The following DLGAP2 variants were observed in gnomAD, a reference collection of about 807,000 sequenced individuals.
The protein encoded by DLGAP2 is disks large-associated protein 2.
In DLGAP2, 26 loss-of-function variants were observed where a neutral mutation model predicts 100.3. The observed-to-expected ratio is 0.26, with a 90% CI of 0.19 to 0.36. The LOEUF is 0.36. Among genes scored for constraint, DLGAP2 ranks in the 10% least tolerant of loss-of-function variants. The pLI is 1.00. For missense variants in DLGAP2, 1,858 were observed against 1,453.2 expected (o/e 1.28, Z -4.53); for synonymous variants, 886 against 630.1 (o/e 1.41, Z -6.08).
intron 2 of DLGAP2, among the ~76,000 whole-genome samples, chr8:950,622 C>CTTT (rs34631994): frequency 3.1e-5 from 4 of 130,508 alleles, no homozygotes; most frequent in Admixed American, 7.8e-5. Flanking sequence ...TTTTCTTTTT[C>CTTT]TTTTTTTTTT....
intron 6 of DLGAP2, among the ~76,000 whole-genome samples, chr8:1,582,794 C>T (rs893225328): frequency 2.0e-5 from 3 of 152,162 alleles, no homozygotes; most frequent in Non-Finnish European, 4.4e-5. Context: ...ACAAGAGTTT[C>T]ACCATGTTGG....
chr8:957,500 T>C (rs1166218957), intron 2 of DLGAP2, among the ~76,000 whole-genome samples: 7 of 152,246 alleles, frequency 4.6e-5, no homozygotes, highest in Non-Finnish European at 1.0e-4. Flanking sequence ...GATGCTGATA[T>C]TAGGCCACTG....
chr8:1,584,594 A>G (rs1454067113), intron 6 of DLGAP2, among the ~76,000 whole-genome samples: 2 of 152,046 alleles, frequency 1.3e-5, no homozygotes, highest in African/African-American at 4.8e-5. Context: ...GAGCATTTGC[A>G]CTCTGATCGG....
chr8:947,449 T>A (rs563888433), intron 2 of DLGAP2, among the ~76,000 whole-genome samples: 1 of 152,330 alleles, frequency 6.6e-6, no homozygotes, highest in African/African-American at 2.4e-5. Context: ...TCCGCGCGGC[T>A]CAGCCCTGCC....
chr8:1,336,945 A>G (rs563692919), intron 3 of DLGAP2, among the ~76,000 whole-genome samples: 3 of 152,256 alleles, frequency 2.0e-5, no homozygotes, highest in African/African-American at 7.2e-5. Context: ...TTTTCTAAGT[A>G]CAAGTTATCC....
intron 2 of DLGAP2, among the ~76,000 whole-genome samples, chr8:1,077,253 C>G (rs924499453): frequency 1.3e-5 from 2 of 152,212 alleles, no homozygotes; most frequent in African/African-American, 2.4e-5. Context: ...TACCTCGTCA[C>G]CTCTGTAGCA....
intron 3 of DLGAP2, among the ~76,000 whole-genome samples, chr8:1,441,980 A>T (rs1421884529): frequency 6.6e-6 from 1 of 152,110 alleles, no homozygotes; most frequent in African/African-American, 2.4e-5. Flanking sequence ...GGAGCTGGAA[A>T]CCATGATCCT....
chr8:1,513,681 A>G (rs1427897158), intron 4 of DLGAP2, among the ~76,000 whole-genome samples: 2 of 152,232 alleles, frequency 1.3e-5, no homozygotes, highest in African/African-American at 4.8e-5. Flanking sequence ...TTTTCTCAGT[A>G]AAAGCTTCCT....
At chr8:1,168,311 T>G (rs1181356217) in intron 2 of DLGAP2, among the ~76,000 whole-genome samples, 1 of 151,742 alleles carries the variant, frequency 6.6e-6, no homozygotes, top group African/African-American at 2.4e-5. Flanking sequence ...TTCCAAGTCT[T>G]TGCTATTGTG....
chr8:1,691,245 G>A (rs1230701792), intron 12 of DLGAP2, among the ~76,000 whole-genome samples: 2 of 152,148 alleles, frequency 1.3e-5, no homozygotes, highest in South Asian at 2.1e-4. Context: ...TAATCTCGAT[G>A]CCAAAATAAG....
chr8:743,180 G>A (rs982366154), intron 1 of DLGAP2, among the ~76,000 whole-genome samples: 9 of 152,286 alleles, frequency 5.9e-5, no homozygotes, highest in African/African-American at 1.9e-4. Context: ...TTAGAAAATA[G>A]AAATAGAAAA....
chr8:1,453,383 AAGAC>A (rs1403072379), intron 3 of DLGAP2, among the ~76,000 whole-genome samples: 2 of 152,322 alleles, frequency 1.3e-5, no homozygotes, highest in East Asian at 3.9e-4. Context: ...CTGAGAAAGA[AAGAC>A]AGCCCATAAT....
intron 2 of DLGAP2, among the ~76,000 whole-genome samples, chr8:1,041,915 C>G (rs1035816212): frequency 2.0e-5 from 3 of 152,238 alleles, no homozygotes; most frequent in Non-Finnish European, 4.4e-5. Context: ...CCATCAGTGC[C>G]TGCTCTTCTC....
At chr8:1,054,301 G>A (rs1046677556) in intron 2 of DLGAP2, among the ~76,000 whole-genome samples, 2 of 151,940 alleles carry the variant, frequency 1.3e-5, no homozygotes, top group African/African-American at 2.4e-5. Context: ...CACCATCCAT[G>A]CATAAAAGTC....
chr8:1,172,912 G>A (rs907444992), intron 2 of DLGAP2, among the ~76,000 whole-genome samples: 1 of 152,146 alleles, frequency 6.6e-6, no homozygotes, highest in African/African-American at 2.4e-5. Context: ...AGCTTTGTTC[G>A]ATTGCTGGTG....
chr8:1,496,899 C>G (rs545111773), intron 3 of DLGAP2, among the ~76,000 whole-genome samples: 1 of 152,284 alleles, frequency 6.6e-6, no homozygotes, highest in East Asian at 1.9e-4. Flanking sequence ...GCCAGACGAC[C>G]TTGCTACAGC....
At chr8:1,416,379 A>G (rs543388200) in intron 3 of DLGAP2, among the ~76,000 whole-genome samples, 1 of 152,194 alleles carries the variant, frequency 6.6e-6, no homozygotes, top group Admixed American at 6.5e-5. Context: ...GGGAGGTTCA[A>G]ACCTCTGCAG....
chr8:1,230,830 G>A (rs905295993), intron 2 of DLGAP2, among the ~76,000 whole-genome samples: 1 of 152,132 alleles, frequency 6.6e-6, no homozygotes, highest in Non-Finnish European at 1.5e-5. Context: ...CTGGATTCCT[G>A]CCTTTCAGCA....
intron 2 of DLGAP2, among the ~76,000 whole-genome samples, chr8:1,037,889 C>T (rs1008873058): frequency 1.3e-5 from 2 of 152,294 alleles, no homozygotes; most frequent in Middle Eastern, 3.4e-3. Context: ...ATCCAGCAGG[C>T]CTGGTGTGAG....
Sources: gnomAD v4.1 joint callset for allele counts (sites outside exome capture counted in the v4.1 genomes callset) on GRCh38, gnomAD v4.1.1 for gene constraint, MANE v1.5 for transcripts, NCBI Gene and HGNC (gene_info 2026-07-23, HGNC 2026-07-21) for gene names.